The following ZNF385D variants were observed in gnomAD, a reference collection of about 807,000 sequenced individuals.
ZNF385D encodes the protein zinc finger protein 385D.
A neutral mutation model predicts 35.8 loss-of-function variants in ZNF385D; 15 were observed. The ratio of observed to expected loss-of-function variants is 0.42; its 90% CI spans 0.28 to 0.64. The LOEUF is 0.64. Among genes scored for constraint, ZNF385D ranks in the 30% least tolerant of loss-of-function variants. The pLI is 0.23. For synonymous variants in ZNF385D, 212 were observed against 186.8 expected, an observed-to-expected ratio of 1.13 and a Z score of -1.10; for missense variants, 474 against 494.6, an observed-to-expected ratio of 0.96 and a Z score of 0.39.
chr3:22,000,336 G>A (rs552257462), intron 3 of ZNF385D, among the ~76,000 whole-genome samples: 19 of 151,992 alleles, frequency 1.3e-4, no homozygotes, highest in African/African-American at 3.6e-4. Flanking sequence ...GAGGCACATT[G>A]TAGTTAAACC....
rs1370163638 is a variant in ZNF385D at position 21,826,523 on chromosome 3, G to A, written c.326-161495C>T. On this transcript the variant is annotated intron_variant, in intron 3 of 5. Transcript: ENST00000494108. ...AAGGGGTGGAGAAGAAGAGGTTCAG[G>A]AAGGAGTCCACTTGAAAGTCATTCC... 2.6e-5 allele frequency among the ~76,000 whole-genome samples: 4 copies of A among 152,160 alleles called. 1 individual carries two copies.
At chr3:21,786,793 C>CT (rs1553663733) in intron 3 of ZNF385D, among the ~76,000 whole-genome samples, 1 of 152,114 alleles carries the variant, frequency 6.6e-6, no homozygotes, top group Non-Finnish European at 1.5e-5. Flanking sequence ...CAACAGATTT[C>CT]TTTTTTTGTA....
At chr3:22,279,669 ATTTC>A (rs949964827) in intron 2 of ZNF385D, among the ~76,000 whole-genome samples, 9 of 149,176 alleles carry the variant, frequency 6.0e-5, no homozygotes, top group South Asian at 2.1e-4. Flanking sequence ...ACACACCACA[ATTTC>A]TTTATCCACT....
rs150613808 is a variant in ZNF385D, at chr3:22,050,649, C to T, written c.325+118168G>A. Among the ~76,000 whole-genome samples, 469 of 152,172 alleles carry T rather than the reference C, an allele frequency of 3.1e-3. 2 individuals carry two copies. Among genetic ancestry groups the T allele is most frequent in the South Asian group, 6.6e-3 (32 of 4,826 alleles). On this transcript the variant is annotated intron_variant, in intron 3 of 5. Coordinates refer to the ZNF385D transcript ENST00000494108. Reference sequence around the variant, plus strand: ...ACTTTTGATGAAATCATTGAATTGACCAAAGGCCACATATGTTTTACCAGA... The same window carrying T: ...ACTTTTGATGAAATCATTGAATTGATCAAAGGCCACATATGTTTTACCAGA...
intron 3 of ZNF385D, among the ~76,000 whole-genome samples, chr3:21,824,276 T>C (rs1694456541): frequency 6.6e-6 from 1 of 152,184 alleles, no homozygotes; most frequent in Admixed American, 6.5e-5. Context: ...TCTACGTGTT[T>C]GATAATTCTT....
At chr3:21,457,242 G>A (rs1169920852) in intron 4 of ZNF385D, among the ~76,000 whole-genome samples, 1 of 152,096 alleles carries the variant, frequency 6.6e-6, no homozygotes, top group Non-Finnish European at 1.5e-5. Flanking sequence ...GCGTGTGATG[G>A]CATTTGTATG....
intron 3 of ZNF385D, among the ~76,000 whole-genome samples, chr3:21,927,331 T>C (rs1017495212): frequency 2.6e-5 from 4 of 152,058 alleles, no homozygotes; most frequent in African/African-American, 4.8e-5. Context: ...CAAGGCAAAA[T>C]GGACTAAGAA....
chr3:21,932,828 T>C (rs1027542344), intron 3 of ZNF385D, among the ~76,000 whole-genome samples: 2 of 152,284 alleles, frequency 1.3e-5, no homozygotes, highest in African/African-American at 2.4e-5. Context: ...AATATGCTTG[T>C]TCGTTTTCAT....
chr3:21,743,762 C>G (rs1337611012), intron 1 of ZNF385D, among the ~76,000 whole-genome samples: 1 of 152,196 alleles, frequency 6.6e-6, no homozygotes, highest in Admixed American at 6.5e-5. Flanking sequence ...GTTTGGGAAA[C>G]AGGGACACAA....
At chr3:21,958,284 G>C (rs146611083) in intron 3 of ZNF385D, among the ~76,000 whole-genome samples, 2 of 152,106 alleles carry the variant, frequency 1.3e-5, no homozygotes, top group Non-Finnish European at 2.9e-5. Context: ...GGACACTGGA[G>C]ATTGACAATA....
chr3:21,511,652 T>C (rs1051947794), intron 3 of ZNF385D: 1 of 455,324 alleles, frequency 2.2e-6, no homozygotes, highest in South Asian at 1.6e-5. Flanking sequence ...CAACTTAGTG[T>C]CATTTTTTCA....
At chr3:21,943,177 C>G (rs189394263) in intron 3 of ZNF385D, among the ~76,000 whole-genome samples, 1 of 152,016 alleles carries the variant, frequency 6.6e-6, no homozygotes, top group Non-Finnish European at 1.5e-5. Flanking sequence ...TTGGTACTGT[C>G]TAGCTTATAG....
chr3:22,000,231 G>A lies in ZNF385D; in HGVS notation c.325+168586C>T, dbSNP rs113784396. Among the ~76,000 whole-genome samples the A allele has an allele frequency of 5.0e-3, 754 of 152,170 alleles. 7 individuals carry two copies. The highest frequency in any genetic ancestry group is 0.017 in the African/African-American group (707 of 41,524). The stretch of plus-strand genomic sequence containing the variant: ...GAGGCAGGAGAATGGCTTGAACCCA[G>A]GAGGTGGAGCTTGCAGTGAGTGGAG... On this transcript the variant is annotated intron_variant, in intron 3 of 5. Transcript: ENST00000494108.
chr3:21,618,986 G>A (rs1289818327), intron 2 of ZNF385D, among the ~76,000 whole-genome samples: 1 of 152,072 alleles, frequency 6.6e-6, no homozygotes, highest in African/African-American at 2.4e-5. Flanking sequence ...TCTTCAACTG[G>A]GCCTGCACAG....
At chr3:21,565,046 T>C (rs2063095027) in intron 2 of ZNF385D, among the ~76,000 whole-genome samples, 1 of 152,224 alleles carries the variant, frequency 6.6e-6, no homozygotes, top group Non-Finnish European at 1.5e-5. Context: ...GTCTATACCA[T>C]TGCCCAAAAA....
At chr3:22,227,009 A>G (rs1698598189) in intron 2 of ZNF385D, among the ~76,000 whole-genome samples, 1 of 152,190 alleles carries the variant, frequency 6.6e-6, no homozygotes, top group African/African-American at 2.4e-5. Flanking sequence ...ATTCAAGCAC[A>G]TGCATTCAGC....
chr3:21,627,394 T>A (rs2065166692), intron 2 of ZNF385D, among the ~76,000 whole-genome samples: 1 of 151,966 alleles, frequency 6.6e-6, no homozygotes, highest in Non-Finnish European at 1.5e-5. Context: ...CAATTTACAC[T>A]GGGTCCAGAA....
intron 2 of ZNF385D, among the ~76,000 whole-genome samples, chr3:22,288,755 G>A (rs1702149204): frequency 6.6e-6 from 1 of 151,968 alleles, no homozygotes; most frequent in Non-Finnish European, 1.5e-5. Flanking sequence ...TCTTTCATTT[G>A]GAACATATTT....
intron 1 of ZNF385D, among the ~76,000 whole-genome samples, chr3:21,740,604 G>T (rs2069466503): frequency 6.6e-6 from 1 of 152,168 alleles, no homozygotes; most frequent in South Asian, 2.1e-4. Flanking sequence ...GGGCAGCACA[G>T]GCAATGTGTA....
Sources: gnomAD v4.1 joint callset for allele counts (sites outside exome capture counted in the v4.1 genomes callset) on GRCh38, gnomAD v4.1.1 for gene constraint, MANE v1.5 for transcripts, NCBI Gene and HGNC (gene_info 2026-07-23, HGNC 2026-07-21) for gene names.